AGTPBP1: variants seen among roughly 807,000 people sequenced by gnomAD.
AGTPBP1 encodes cytosolic carboxypeptidase 1.
Under a neutral mutation model 143.9 loss-of-function variants are expected in AGTPBP1, and 70 were observed. The ratio of observed to expected loss-of-function variants is 0.49; its 90% CI spans 0.40 to 0.59. AGTPBP1 has a LOEUF of 0.59. AGTPBP1 is among the 20% of genes least tolerant of loss of function. The pLI is 0.00. For synonymous variants in AGTPBP1, 463 were observed against 500.2 expected, an observed-to-expected ratio of 0.93 and a Z score of 0.99; for missense variants, 1,229 against 1,464.5, an observed-to-expected ratio of 0.84 and a Z score of 2.62.
At chr9:85,636,322 C>T (rs994386013) in intron 13 of AGTPBP1, among the ~76,000 whole-genome samples, 12 of 135,752 alleles carry the variant, frequency 8.8e-5, no homozygotes, top group African/African-American at 2.2e-4. Flanking sequence ...AGTGCAGTGG[C>T]GCAATCTCAG....
intron 17 of AGTPBP1, among the ~76,000 whole-genome samples, chr9:85,607,269 T>A (rs951828642): frequency 2.6e-5 from 4 of 152,120 alleles, no homozygotes; most frequent in African/African-American, 9.6e-5. Context: ...TTGTCTCATG[T>A]GTTCTAATGT....
intron 2 of AGTPBP1, among the ~76,000 whole-genome samples, chr9:85,708,353 CA>C (rs1018599161): frequency 1.3e-5 from 2 of 152,164 alleles, no homozygotes; most frequent in African/African-American, 4.8e-5. Context: ...TATATCTACA[CA>C]GTCCCTTTTA....
intron 18 of AGTPBP1, among the ~76,000 whole-genome samples, chr9:85,593,927 T>C (rs1829130575): frequency 6.6e-6 from 1 of 152,168 alleles, no homozygotes; most frequent in African/African-American, 2.4e-5. Flanking sequence ...AGCCATGAAA[T>C]GAAGAAAAAC....
At chr9:85,805,207 G>T in the AGTPBP1 span, among the ~76,000 whole-genome samples, 2 of 152,100 alleles carry the variant, frequency 1.3e-5, no homozygotes, top group Non-Finnish European at 2.9e-5. Flanking sequence ...TCTAACCAGC[G>T]CCAGCGCCGC....
intron 13 of AGTPBP1, among the ~76,000 whole-genome samples, chr9:85,633,844 T>C (rs1283180055): frequency 1.3e-5 from 2 of 150,688 alleles, no homozygotes; most frequent in African/African-American, 4.9e-5. Flanking sequence ...ATAAATACGA[T>C]ATATATTTCA....
upstream of AGTPBP1, among the ~76,000 whole-genome samples, chr9:85,742,299 C>CT (rs1212547163): frequency 1.3e-5 from 2 of 152,268 alleles, no homozygotes; most frequent in South Asian, 2.1e-4. Context: ...TTCAAGTCAT[C>CT]TTTCTGTACA....
intron 24 of AGTPBP1, among the ~76,000 whole-genome samples, 188 bp downstream of exon 24, chr9:85,578,732 G>A (rs1017523332): frequency 6.6e-6 from 1 of 152,120 alleles, no homozygotes; most frequent in Non-Finnish European, 1.5e-5. Flanking sequence ...TTAGTTCAGA[G>A]AAGTAAAGAA....
At chr9:85,590,353 C>T (rs911066192) in intron 19 of AGTPBP1, among the ~76,000 whole-genome samples, 8 of 152,200 alleles carry the variant, frequency 5.3e-5, no homozygotes, top group African/African-American at 1.7e-4. Context: ...TATACATACA[C>T]ATAAACATAT....
intron 1 of AGTPBP1, among the ~76,000 whole-genome samples, chr9:85,739,998 C>T (rs930434763): frequency 6.7e-6 from 1 of 149,614 alleles, no homozygotes; most frequent in Non-Finnish European, 1.5e-5. Flanking sequence ...AGTGAGACTC[C>T]GTCTCAAAAA....
chr9:85,754,353 A>G, the AGTPBP1 span, among the ~76,000 whole-genome samples: 125 of 152,200 alleles, frequency 8.2e-4, no homozygotes, highest in African/African-American at 2.8e-3. Context: ...ACCATGCCCG[A>G]CTAATTTTTT....
chr9:85,799,694 T>G, the AGTPBP1 span, among the ~76,000 whole-genome samples: 1 of 152,064 alleles, frequency 6.6e-6, no homozygotes, highest in Non-Finnish European at 1.5e-5. Flanking sequence ...TTTTTATTAT[T>G]TTTCGTAGAG....
chr9:85,750,767 G>A, the AGTPBP1 span, among the ~76,000 whole-genome samples: 14 of 152,182 alleles, frequency 9.2e-5, no homozygotes, highest in African/African-American at 3.4e-4. Flanking sequence ...GGTATAACTT[G>A]CAGTTTGATC....
chr9:85,667,680 A>G (rs1834206894), intron 8 of AGTPBP1, among the ~76,000 whole-genome samples: 2 of 152,124 alleles, frequency 1.3e-5, no homozygotes, highest in South Asian at 4.1e-4. Context: ...TTATCAGTCT[A>G]CAGAAAATGT....
intron 14 of AGTPBP1, among the ~76,000 whole-genome samples, chr9:85,625,897 TA>T (rs1361043716): frequency 8.8e-6 from 1 of 114,170 alleles, no homozygotes; most frequent in African/African-American, 3.9e-5. Flanking sequence ...AAAAAAAACC[TA>T]GTTTTGTTTT....
At chr9:85,693,978 C>T (rs953953022) in intron 2 of AGTPBP1, among the ~76,000 whole-genome samples, 2 of 152,062 alleles carry the variant, frequency 1.3e-5, no homozygotes, top group African/African-American at 4.8e-5. Flanking sequence ...AGCAAACCTG[C>T]CATGTTCTAT....
chr9:85,598,367 A>G (rs991214911), intron 17 of AGTPBP1, among the ~76,000 whole-genome samples: 3 of 152,090 alleles, frequency 2.0e-5, no homozygotes, highest in Non-Finnish European at 4.4e-5. Context: ...GATTAGTACC[A>G]CTTGTTCTTG....
At chr9:85,590,095 T>A (rs1049335338) in intron 19 of AGTPBP1, among the ~76,000 whole-genome samples, 1 of 152,094 alleles carries the variant, frequency 6.6e-6, no homozygotes, top group Admixed American at 6.6e-5. Flanking sequence ...ACAGCAACAA[T>A]CTAAAATTTG....
the AGTPBP1 span, among the ~76,000 whole-genome samples, chr9:85,764,302 G>A: frequency 6.6e-6 from 1 of 152,030 alleles, no homozygotes; most frequent in African/African-American, 2.4e-5. Context: ...GCTGAGGCGG[G>A]TGGATCACCT....
At chr9:85,780,486 T>C in the AGTPBP1 span, among the ~76,000 whole-genome samples, 6,476 of 149,616 alleles carry the variant, frequency 0.043, 476 homozygotes, top group African/African-American at 0.15. Flanking sequence ...ATCCTAGTCA[T>C]GTGACTTTTT....
Sources: gnomAD v4.1 joint callset for allele counts (sites outside exome capture counted in the v4.1 genomes callset) on GRCh38, gnomAD v4.1.1 for gene constraint, MANE v1.5 for transcripts, NCBI Gene and HGNC (gene_info 2026-07-23, HGNC 2026-07-21) for gene names.